The following SVIL variants were observed in gnomAD, a reference collection of about 807,000 sequenced individuals.
SVIL encodes the protein archvillin.
SVIL carries 101 observed loss-of-function variants against 240.4 expected under a neutral mutation model. The observed-to-expected ratio is 0.42, with a 90% confidence interval of 0.36 to 0.50. The LOEUF is 0.50. Ranked by LOEUF, SVIL falls within the 20% of genes least tolerant of loss-of-function variation. SVIL has a pLI of 0.01. For missense variants in SVIL, 2,512 were observed against 2,818.7 expected (o/e 0.89, Z 2.46); for synonymous variants, 999 against 1,100.0 (o/e 0.91, Z 1.82).
intron 6 of SVIL, 73 bp from the exon 7 acceptor site, chr10:29,536,142 T>C: frequency 7.0e-7 from 1 of 1,425,372 alleles, no homozygotes; most frequent in African/African-American, 1.4e-5. Context: ...TTACCATAAC[T>C]TAAAACCTAA....
intron 29 of SVIL, 38 bp from the exon 30 acceptor site, chr10:29,474,027 T>C: frequency 1.9e-6 from 3 of 1,602,954 alleles, no homozygotes; most frequent in Non-Finnish European, 2.6e-6. Context: ...GGTCAGCAGC[T>C]GAGACACCCG....
chr10:29,504,894 G>A lies in SVIL; in HGVS notation c.3517-5631C>T, dbSNP rs906940867. On this transcript the variant is annotated intron_variant, in intron 17 of 37. Coordinates refer to ENST00000355867, the MANE Select transcript of SVIL (RefSeq NM_021738.3). ...ACATCCAAATAAAAGCCTGCACATG[G>A]ATGCTTCTAGCACTTTATTCATAAT... 4.6e-4 allele frequency among the ~76,000 whole-genome samples: 70 copies of A among 152,326 alleles called. 1 individual carries two copies. Among genetic ancestry groups the A allele is most frequent in the African/African-American group, 1.6e-3 (66 of 41,568 alleles).
chr10:29,462,296 A>G lies in SVIL; in HGVS notation c.6383T>C (p.Ile2128Thr), dbSNP rs754303269. The G allele has an allele frequency of 1.2e-6, 2 of 1,614,188 alleles. No homozygotes were observed. Among genetic ancestry groups the G allele is most frequent in the Admixed American group, 1.7e-5 (1 of 60,024 alleles). ...GCTCACCATCTCTGTGATCTCAGCGATGTCCTCTCTGTGCTCCCAGCTGGG... is the reference window on the plus strand; with the variant it reads ...GCTCACCATCTCTGTGATCTCAGCGGTGTCCTCTCTGTGCTCCCAGCTGGG... ...MFPSWEHRED[I>T]AEITEMDTEV... is the part of the protein sequence containing the mutation. Residue 2128 changes from isoleucine (I) to threonine (T), a missense_variant, in exon 36 of 38, where the codon ATC becomes ACC. Physicochemically the swap from Ile to Thr is moderately conservative, Grantham distance 89. Transcript: ENST00000355867.
chr10:29,516,866 G>A (rs1269592931), intron 16 of SVIL, among the ~76,000 whole-genome samples: 2 of 152,206 alleles, frequency 1.3e-5, no homozygotes, highest in Non-Finnish European at 2.9e-5. Flanking sequence ...AAGGACATCA[G>A]GCTCAGAGCA....
intron 1 of SVIL, among the ~76,000 whole-genome samples, chr10:29,690,659 T>C (rs1353368981): frequency 3.3e-5 from 5 of 152,190 alleles, no homozygotes; most frequent in Non-Finnish European, 5.9e-5. Flanking sequence ...CACAAATGAC[T>C]ACATTTGTCT....
intron 1 of SVIL, among the ~76,000 whole-genome samples, chr10:29,575,890 T>G (rs1215486329): frequency 2.0e-5 from 3 of 152,206 alleles, no homozygotes; most frequent in Admixed American, 6.5e-5. Context: ...TTTTGCTCAA[T>G]GCATTATAGT....
upstream of SVIL, among the ~76,000 whole-genome samples, chr10:29,736,051 C>A (rs978203990): frequency 2.0e-5 from 3 of 152,130 alleles, no homozygotes; most frequent in African/African-American, 7.2e-5. Context: ...GGGGGCCAAG[C>A]ACAAGCACCC....
chr10:29,588,905 C>T (rs906871239), intron 1 of SVIL, among the ~76,000 whole-genome samples: 2 of 151,982 alleles, frequency 1.3e-5, no homozygotes, highest in Non-Finnish European at 2.9e-5. Context: ...TCACTTCCTA[C>T]CTCCCCCACC....
intron 5 of SVIL, 117 bp from the exon 6 acceptor site, chr10:29,551,380 C>A: frequency 1.0e-6 from 1 of 975,402 alleles, no homozygotes; most frequent in Non-Finnish European, 1.5e-6. Flanking sequence ...TGTGAAGGAC[C>A]AGTTTCTCAC....
intron 1 of SVIL, among the ~76,000 whole-genome samples, chr10:29,727,595 A>T (rs112866803): frequency 0.015 from 2,260 of 152,284 alleles, 53 homozygotes; most frequent in African/African-American, 0.049. Flanking sequence ...ACCACCTGGG[A>T]TAAGTAACAC....
intron 1 of SVIL, among the ~76,000 whole-genome samples, chr10:29,715,679 C>A (rs1437462668): frequency 6.6e-6 from 1 of 152,240 alleles, no homozygotes; most frequent in Non-Finnish European, 1.5e-5. Context: ...GAGTCATGGT[C>A]ATCAAGAGAC....
At chr10:29,679,777 T>C (rs947987620) in intron 2 of SVIL, among the ~76,000 whole-genome samples, 2 of 151,766 alleles carry the variant, frequency 1.3e-5, no homozygotes, top group Non-Finnish European at 2.9e-5. Context: ...AGGTCAGGGA[T>C]CCAGTTCCAC....
intron 3 of SVIL, among the ~76,000 whole-genome samples, chr10:29,653,810 G>A (rs1312177530): frequency 1.3e-5 from 2 of 152,036 alleles, no homozygotes; most frequent in Non-Finnish European, 2.9e-5. Context: ...TTTCCCCATT[G>A]AATTGTTTTG....
At chr10:29,604,363 C>CTTTTTTTTTTTTT (rs71525560) in intron 1 of SVIL, among the ~76,000 whole-genome samples, 1 of 38,404 alleles carries the variant, frequency 2.6e-5, no homozygotes. Context: ...CCATGTCTGG[C>CTTTTTTTTTTTTT]TTTTTTTTTT....
intron 1 of SVIL, among the ~76,000 whole-genome samples, chr10:29,604,363 CTTTTTTT>C (rs71525560): frequency 2.9e-4 from 11 of 38,400 alleles, no homozygotes; most frequent in African/African-American, 5.0e-4. Context: ...CCATGTCTGG[CTTTTTTT>C]TTTTTTTTTT....
intron 1 of SVIL, among the ~76,000 whole-genome samples, chr10:29,629,700 G>A (rs995372290): frequency 1.5e-5 from 2 of 137,496 alleles, no homozygotes; most frequent in Admixed American, 7.8e-5. Flanking sequence ...ATTAGAGTCC[G>A]GGCGTGGTGG....
chr10:29,506,680 T>TG (rs1657327863), intron 17 of SVIL, among the ~76,000 whole-genome samples: 3 of 50,902 alleles, frequency 5.9e-5, no homozygotes, highest in Non-Finnish European at 9.6e-5. Context: ...AGAGGCCCTA[T>TG]GAGGGAGGGG....
At chr10:29,586,595 C>G (rs541484520) in intron 1 of SVIL, among the ~76,000 whole-genome samples, 1 of 152,274 alleles carries the variant, frequency 6.6e-6, no homozygotes, top group South Asian at 2.1e-4. Flanking sequence ...TACACATGAC[C>G]TCACCATTCA....
chr10:29,512,665 G>C (rs1469989613), intron 17 of SVIL, 70 bp downstream of exon 17: 2 of 1,611,134 alleles, frequency 1.2e-6, no homozygotes, highest in African/African-American at 2.7e-5. Flanking sequence ...GGTGGCACAC[G>C]CTTGTCTTTT....
Sources: allele counts gnomAD v4.1 joint callset (sites outside exome capture counted in the v4.1 genomes callset), GRCh38; gene constraint gnomAD v4.1.1; transcripts MANE v1.5; gene names NCBI Gene and HGNC (gene_info 2026-07-23, HGNC 2026-07-21).